SENP1: variants seen among roughly 807,000 people sequenced by gnomAD.
The protein encoded by SENP1 is sentrin-specific protease 1.
In SENP1, 21 loss-of-function variants were observed where a neutral mutation model predicts 93.0. The ratio of observed to expected loss-of-function variants is 0.23; its 90% CI spans 0.16 to 0.33. SENP1 has a LOEUF of 0.33. Among genes scored for constraint, SENP1 ranks in the 10% least tolerant of loss-of-function variants. The pLI, the probability that SENP1 is intolerant of heterozygous loss-of-function variation, is 1.00. For synonymous variants in SENP1, 256 were observed against 259.6 expected, an observed-to-expected ratio of 0.99 and a Z score of 0.13; for missense variants, 591 against 758.7, an observed-to-expected ratio of 0.78 and a Z score of 2.60.
intron 13 of SENP1, among the ~76,000 whole-genome samples, chr12:48,050,086 C>T (rs906329154): frequency 2.6e-5 from 4 of 152,114 alleles, no homozygotes; most frequent in Admixed American, 6.6e-5. Flanking sequence ...GTTATCGTGC[C>T]GGAAGTTACT....
chr12:48,104,655 C>G (rs542712497), intron 1 of SENP1, among the ~76,000 whole-genome samples: 1 of 152,240 alleles, frequency 6.6e-6, no homozygotes, highest in African/African-American at 2.4e-5. Context: ...GATCCATAAA[C>G]AGGTACCGCA....
rs1435175559 is a variant in SENP1, at chr12:48,096,326, C to G, written c.220+17G>C. The G allele has an allele frequency of 6.7e-7, 1 of 1,484,144 alleles. No homozygotes were observed. Among genetic ancestry groups the G allele is most frequent in the Admixed American group, 1.7e-5 (1 of 57,766 alleles). The allele number at this position is 1,484,144 out of a possible 1,614,324, so 91.9% of individuals were successfully genotyped here. A position where few individuals can be genotyped will look rare whatever the true frequency, so the allele number is the denominator to read the frequency against. ...CAAAAGGTATAAAGTCCCTTGACTCCAAGTAATGTGTCATACCTGAGTAAT... is the reference window on the plus strand; with the variant it reads ...CAAAAGGTATAAAGTCCCTTGACTCGAAGTAATGTGTCATACCTGAGTAAT... On this transcript the variant is annotated intron_variant, in intron 4 of 17. Transcript: ENST00000549518.
chr12:48,095,689 C>T (rs1945512546), intron 4 of SENP1, among the ~76,000 whole-genome samples: 1 of 152,088 alleles, frequency 6.6e-6, no homozygotes, highest in Admixed American at 6.5e-5. Context: ...AGCCAAGAGG[C>T]TAACCAACAA....
At chr12:48,096,605 G>A (rs1399746681) in intron 3 of SENP1, among the ~76,000 whole-genome samples, 178 bp from the exon 4 acceptor site, 4 of 151,926 alleles carry the variant, frequency 2.6e-5, no homozygotes, top group African/African-American at 4.8e-5. Context: ...ACAGGCACGC[G>A]CCATCACACC....
At chr12:48,101,403 C>T in intron 2 of SENP1, 66 bp downstream of exon 2, 2 of 1,261,462 alleles carry the variant, frequency 1.6e-6, no homozygotes, top group Middle Eastern at 1.9e-4. Context: ...TTAGGAAAAC[C>T]CATTCTTTCA....
chr12:48,087,954 A>C (rs1261749365), intron 5 of SENP1, among the ~76,000 whole-genome samples: 1 of 152,228 alleles, frequency 6.6e-6, no homozygotes, highest in Non-Finnish European at 1.5e-5. Context: ...CTGAGGGAAA[A>C]GTTTCTAAGC....
Position 48,074,742 on chromosome 12 carries a change from T to C in SENP1, c.604A>G (p.Thr202Ala). 1 of 1,613,578 alleles carries C rather than the reference T, an allele frequency of 6.2e-7. No individual in the cohort carries two copies. Among genetic ancestry groups the C allele is most frequent in the Non-Finnish European group, 8.5e-7 (1 of 1,179,740 alleles). ...TTGGCTATAGTAAACTGTTTCCCTG[T>C]GACCATCTGTAGCAGCTGTCTGTAA... ...EIYRQLLQMV[T>A]GKQFTIAKPT... The change falls in exon 7 of 18, where the codon ACA (threonine) becomes GCA (alanine). Residue 202 changes from threonine (T) to alanine (A), a missense_variant. This residue lies in a region of SENP1 where 214 missense variants were observed against 243.4 expected (regional missense o/e 0.88). Coordinates refer to ENST00000549518, the MANE Select transcript of SENP1 (RefSeq NM_001267594.2).
intron 13 of SENP1, among the ~76,000 whole-genome samples, chr12:48,051,007 G>A (rs1378089716): frequency 6.6e-6 from 1 of 151,020 alleles, no homozygotes; most frequent in Non-Finnish European, 1.5e-5. Context: ...GGACGGTGAA[G>A]CACATGACAG....
intron 17 of SENP1, among the ~76,000 whole-genome samples, chr12:48,045,602 G>A (rs1249987786): frequency 2.0e-5 from 3 of 151,998 alleles, no homozygotes; most frequent in African/African-American, 7.2e-5. Flanking sequence ...GTTACACTGG[G>A]TATTTCCAGG....
rs1387897284 is a variant in SENP1, at chr12:48,045,336, G to C, written c.1921C>G (p.Arg641Gly). The C allele has an allele frequency of 6.2e-7, 1 of 1,613,392 alleles. No homozygotes were observed. Among genetic ancestry groups the C allele is most frequent in the Non-Finnish European group, 8.5e-7 (1 of 1,179,640 alleles). ...RKRMVWEILHRKLL is the reference protein window; with the variant it reads ...RKRMVWEILHGKLL ...TGAGACAGTCTTCACAAGAGTTTTC[G>C]GTGGAGGATCTCCCAGACCATCCGC... The change falls in exon 18 of 18, where the codon CGA becomes GGA. Residue 641 changes from arginine (R) to glycine (G), a missense_variant. By Grantham distance (125) the Arg-to-Gly change is moderately radical. Around this residue, in one of 4 missense-constraint regions of SENP1, gnomAD observed 132 missense variants for 230.1 expected, o/e 0.57. Coordinates refer to ENST00000549518, the MANE Select transcript of SENP1 (RefSeq NM_001267594.2).
At chr12:48,065,461 C>T (rs1393867621) in intron 11 of SENP1, 135 bp downstream of exon 11, 4 of 655,140 alleles carry the variant, frequency 6.1e-6, no homozygotes, top group East Asian at 5.4e-5. Context: ...ACATTTACGA[C>T]ATATCATAAC....
chr12:48,105,300 A>G (rs150905786), intron 1 of SENP1: 25 of 502,172 alleles, frequency 5.0e-5, no homozygotes, highest in Non-Finnish European at 1.0e-4. Flanking sequence ...CTGCACAGGC[A>G]CCGATAAACA....
chr12:48,096,552 T>C (rs1028241475), intron 3 of SENP1, 125 bp from the exon 4 acceptor site: 3 of 590,538 alleles, frequency 5.1e-6, no homozygotes, highest in Admixed American at 2.8e-5. Context: ...GCCTCCTGAG[T>C]TCAAGTGATT....
chr12:48,056,411 TTTA>T (rs1942358399), intron 13 of SENP1, among the ~76,000 whole-genome samples: 1 of 114,036 alleles, frequency 8.8e-6, no homozygotes, highest in Non-Finnish European at 1.6e-5. Context: ...TATATAATTA[TTTA>T]ATATAGTACA....
At chr12:48,051,692 TCA>T (rs1406730338) in intron 13 of SENP1, among the ~76,000 whole-genome samples, 1 of 152,272 alleles carries the variant, frequency 6.6e-6, no homozygotes, top group East Asian at 1.9e-4. Flanking sequence ...AGAGAAGGGA[TCA>T]CAGTGTTCAA....
intron 4 of SENP1, among the ~76,000 whole-genome samples, chr12:48,092,279 G>C (rs1945271962): frequency 6.6e-6 from 1 of 152,142 alleles, no homozygotes; most frequent in Non-Finnish European, 1.5e-5. Flanking sequence ...GCCCAATCAA[G>C]AGGTAAGGCA....
intron 6 of SENP1, 41 bp downstream of exon 6, chr12:48,083,550 G>C: frequency 6.4e-7 from 1 of 1,561,906 alleles, no homozygotes; most frequent in South Asian, 1.1e-5. Context: ...TGTAGGGAAA[G>C]ATCCTAACTT....
intron 13 of SENP1, among the ~76,000 whole-genome samples, chr12:48,060,429 G>A (rs1942880362): frequency 1.3e-5 from 2 of 152,170 alleles, no homozygotes; most frequent in Middle Eastern, 3.2e-3. Context: ...GAATCTTAAA[G>A]TTGGAAGGGA....
chr12:48,075,932 T>C (rs998329465), intron 6 of SENP1, among the ~76,000 whole-genome samples: 4 of 152,048 alleles, frequency 2.6e-5, no homozygotes, highest in Non-Finnish European at 5.9e-5. Context: ...ATATTCCAAA[T>C]AGAGGAACAA....
Sources: gnomAD v4.1 joint callset for allele counts (sites outside exome capture counted in the v4.1 genomes callset) on GRCh38, gnomAD v4.1.1 for gene constraint, gnomAD v4.1.1 regional missense constraint, MANE v1.5 for transcripts, NCBI Gene and HGNC (gene_info 2026-07-23, HGNC 2026-07-21) for gene names.